RBFOX1: variants seen among roughly 807,000 people sequenced by gnomAD.
The protein encoded by RBFOX1 is RNA binding protein fox-1 homolog 1.
RBFOX1 carries 8 observed loss-of-function variants against 57.7 expected under a neutral mutation model. That is an observed-to-expected ratio of 0.14 (90% CI 0.08 to 0.25). RBFOX1 has a LOEUF of 0.25. Among genes scored for constraint, RBFOX1 ranks in the 10% least tolerant of loss-of-function variants. The probability of loss-of-function intolerance (pLI) is 1.00; values close to 1 mark genes in which losing one functional copy is unlikely to be tolerated. For missense variants in RBFOX1, 611 were observed against 548.5 expected, an observed-to-expected ratio of 1.11 and a Z score of -1.14; for synonymous variants, 326 against 222.4, an observed-to-expected ratio of 1.47 and a Z score of -4.15.
At chr16:7,373,629 G>C (rs74010678) in intron 4 of RBFOX1, among the ~76,000 whole-genome samples, 2,338 of 151,930 alleles carry the variant, frequency 0.015, 62 homozygotes, top group African/African-American at 0.053. Flanking sequence ...AGGAAACAGG[G>C]CTTCTGCTAT....
At chr16:5,268,733 A>T (rs2062925874) in intron 1 of RBFOX1, among the ~76,000 whole-genome samples, 2 of 152,236 alleles carry the variant, frequency 1.3e-5, no homozygotes, top group Non-Finnish European at 2.9e-5. Flanking sequence ...TCCATAGATT[A>T]AAAGAGCCCA....
intron 14 of RBFOX1, among the ~76,000 whole-genome samples, chr16:7,698,520 C>T (rs962320605): frequency 1.3e-5 from 2 of 151,950 alleles, no homozygotes; most frequent in African/African-American, 2.4e-5. Context: ...TTTCTATCCC[C>T]ACTTCTCAAC....
At chr16:6,040,924 A>G (rs894462108) in intron 1 of RBFOX1, among the ~76,000 whole-genome samples, 10 of 152,108 alleles carry the variant, frequency 6.6e-5, no homozygotes, top group African/African-American at 2.4e-4. Context: ...ATTCCATTGT[A>G]TGTATATACC....
At chr16:7,164,280 G>T (rs531270171) in intron 4 of RBFOX1, among the ~76,000 whole-genome samples, 175 of 152,274 alleles carry the variant, frequency 1.1e-3, no homozygotes, top group African/African-American at 3.4e-3. Flanking sequence ...CCAGGTTGCT[G>T]CAAATGCCAT....
chr16:5,914,225 C>A (rs1315599171), intron 4 of RBFOX1, among the ~76,000 whole-genome samples: 2 of 152,220 alleles, frequency 1.3e-5, no homozygotes, highest in East Asian at 3.8e-4. Flanking sequence ...TGTCTTCTCA[C>A]ATGTATTTAT....
rs551924442 is a variant in RBFOX1, at chr16:6,595,693, C to G, written c.-63-58910C>G. Among the ~76,000 whole-genome samples, 98 of 152,220 alleles carry G rather than the reference C, an allele frequency of 6.4e-4. 1 individual carries two copies. The highest frequency in any genetic ancestry group is 1.8e-3 in the Admixed American group (28 of 15,292). ...CCCACCAGCAATGTCTCTGGCTTCC[C>G]TTTTGTCCACATCGTCACGAATACT... On this transcript the variant is annotated intron_variant, in intron 2 of 15. Coordinates refer to ENST00000550418, the MANE Select transcript of RBFOX1 (RefSeq NM_018723.4).
At chr16:6,271,709 A>G (rs920113559) in intron 1 of RBFOX1, among the ~76,000 whole-genome samples, 4 of 152,184 alleles carry the variant, frequency 2.6e-5, no homozygotes, top group East Asian at 3.9e-4. Flanking sequence ...GATGAAATGG[A>G]CCACTTCCTT....
intron 1 of RBFOX1, among the ~76,000 whole-genome samples, chr16:6,094,189 C>T (rs540139684): frequency 2.0e-5 from 3 of 152,296 alleles, no homozygotes; most frequent in South Asian, 2.1e-4. Flanking sequence ...AGGAGATCCT[C>T]CCAAAATGTG....
chr16:6,982,594 A>G (rs960962782), intron 3 of RBFOX1, among the ~76,000 whole-genome samples: 5 of 152,152 alleles, frequency 3.3e-5, no homozygotes, highest in African/African-American at 9.7e-5. Context: ...CATGAGTTGA[A>G]CAGTTGTTTG....
At chr16:5,540,742 G>C (rs1237315049) in intron 2 of RBFOX1, among the ~76,000 whole-genome samples, 2 of 152,208 alleles carry the variant, frequency 1.3e-5, no homozygotes, top group Non-Finnish European at 1.5e-5. Flanking sequence ...GCTGCTAAAA[G>C]TATGGTCTGT....
chr16:7,517,245 G>A (rs1269424026), intron 4 of RBFOX1, among the ~76,000 whole-genome samples: 1 of 151,036 alleles, frequency 6.6e-6, no homozygotes, highest in African/African-American at 2.4e-5. Flanking sequence ...TGAAATGGAA[G>A]CATTTGTATT....
intron 1 of RBFOX1, among the ~76,000 whole-genome samples, chr16:6,225,506 C>G (rs924469888): frequency 2.0e-5 from 3 of 152,128 alleles, no homozygotes; most frequent in Admixed American, 6.6e-5. Context: ...TATTAGATAA[C>G]TGCTCATTAA....
At chr16:7,676,711 C>T in intron 13 of RBFOX1, 63 bp from the exon 14 acceptor site, 1 of 1,402,750 alleles carries the variant, frequency 7.1e-7, no homozygotes, top group Non-Finnish European at 1.0e-6. Flanking sequence ...GTGGTCTTGC[C>T]ACTGGGCATC....
chr16:5,485,315 C>T (rs1195793348), intron 2 of RBFOX1, among the ~76,000 whole-genome samples: 1 of 121,980 alleles, frequency 8.2e-6, no homozygotes, highest in Non-Finnish European at 1.6e-5. Context: ...CACTGCACTC[C>T]AGCCTGGGCG....
intron 4 of RBFOX1, among the ~76,000 whole-genome samples, chr16:7,358,852 C>G (rs1047597889): frequency 2.6e-5 from 4 of 152,142 alleles, no homozygotes; most frequent in Non-Finnish European, 4.4e-5. Context: ...CTACATAATA[C>G]GAGAGAAGTA....
At chr16:6,775,594 C>T (rs185899094) in intron 3 of RBFOX1, 3 of 152,164 alleles carry the variant, frequency 2.0e-5, no homozygotes, top group African/African-American at 7.2e-5. Context: ...AGGGTTCTGA[C>T]AGTTATCTCT....
chr16:6,872,145 A>T (rs2061027635), intron 3 of RBFOX1, among the ~76,000 whole-genome samples: 1 of 152,194 alleles, frequency 6.6e-6, no homozygotes, highest in Non-Finnish European at 1.5e-5. Context: ...CTTTTCCACC[A>T]AATGGAAAAC....
At chr16:6,101,676 A>G (rs1229943231) in intron 1 of RBFOX1, among the ~76,000 whole-genome samples, 1 of 152,046 alleles carries the variant, frequency 6.6e-6, no homozygotes, top group Non-Finnish European at 1.5e-5. Context: ...AATCCCAGCA[A>G]TTTGGGAAGC....
rs140561119 is a variant in RBFOX1, at chr16:7,187,233, T to A, written c.27+135135T>A. Among the ~76,000 whole-genome samples, 20 of 152,164 alleles carry A rather than the reference T, an allele frequency of 1.3e-4. No individual in the cohort carries two copies. In the East Asian group the frequency reaches 2.9e-3, roughly 22 times the overall value. Reference sequence around the variant, plus strand: ...GTCATTTTGAAGTACTGAAATCATATGTAAGAAGAGTAGGAACAAGTAGCA... The same window carrying A: ...GTCATTTTGAAGTACTGAAATCATAAGTAAGAAGAGTAGGAACAAGTAGCA... On this transcript the variant is annotated intron_variant, in intron 4 of 15. Transcript: ENST00000550418.
Sources: allele counts gnomAD v4.1 joint callset (sites outside exome capture counted in the v4.1 genomes callset), GRCh38; gene constraint gnomAD v4.1.1; transcripts MANE v1.5; gene names NCBI Gene and HGNC (gene_info 2026-07-23, HGNC 2026-07-21).